Variants in USP11 observed in about 807,000 individuals in gnomAD.
USP11 encodes ubiquitin specific peptidase 11, also known as ubiquitin carboxyl-terminal hydrolase 11.
USP11 carries 5 observed loss-of-function variants against 72.8 expected under a neutral mutation model. The observed-to-expected ratio is 0.07, with a 90% confidence interval of 0.04 to 0.14. The LOEUF is 0.14. Ranked by LOEUF, USP11 falls within the 10% of genes least tolerant of loss-of-function variation. The pLI, the probability that USP11 is intolerant of heterozygous loss-of-function variation, is 1.00. For synonymous variants in USP11, 368 were observed against 326.5 expected, an observed-to-expected ratio of 1.13 and a Z score of -1.37; for missense variants, 480 against 794.7, an observed-to-expected ratio of 0.60 and a Z score of 4.76.
In USP11 at chrX:47,241,461, A is replaced by T; in HGVS notation, c.1020+11A>T. ...CCACATGTGTTCAAGGTGTGACTCA[A>T]CCCTGGGCACCCCCGACCCCCTACG... is the stretch of plus-strand genomic sequence containing the variant. On this transcript the variant is annotated intron_variant, in intron 8 of 20. Coordinates refer to ENST00000377107, the MANE Select transcript of USP11 (RefSeq NM_001371072.1). 1 of 1,196,242 alleles carries T rather than the reference A, an allele frequency of 8.4e-7. No individual in the cohort carries two copies. Among genetic ancestry groups the T allele is most frequent in the African/African-American group, 1.7e-5 (1 of 57,201 alleles).
rs1351642665 is a variant in USP11, at chrX:47,247,971, C to T, written c.*41C>T. The stretch of plus-strand genomic sequence containing the variant: ...CCACAGAAAAAAAAAAAAAAAAGCC[C>T]TCTCTGCAATCTCGCTTCTCGTGTC... On this transcript the variant is annotated 3_prime_UTR_variant, in exon 21 of 21. Coordinates refer to ENST00000377107, the MANE Select transcript of USP11 (RefSeq NM_001371072.1). 7.2e-6 allele frequency: 8 copies of T among 1,104,041 alleles called. No homozygotes were observed. The highest frequency in any genetic ancestry group is 2.6e-4 in the Middle Eastern group (1 of 3,778). The allele number at this position is 1,104,041 out of a possible 1,213,427, so 91.0% of individuals were successfully genotyped here. A position where few individuals can be genotyped will look rare whatever the true frequency, so the allele number is the denominator to read the frequency against.
chrX:47,240,548 C>T (rs1277396038), intron 5 of USP11, 39 bp from the exon 6 acceptor site: 4 of 1,209,625 alleles, frequency 3.3e-6, no homozygotes, highest in East Asian at 5.9e-5. Flanking sequence ...ATAATGTCCT[C>T]CATTAATACC....
chrX:47,246,637 C>G (rs1222493899), intron 17 of USP11, among the ~76,000 whole-genome samples: 1 of 110,795 alleles, frequency 9.0e-6, no homozygotes, highest in African/African-American at 3.3e-5. Context: ...AACTAGAATA[C>G]TAGATGGGCT....
chrX:47,241,183 C>T, intron 7 of USP11, 94 bp from the exon 8 acceptor site: 2 of 967,975 alleles, frequency 2.1e-6, no homozygotes, highest in Non-Finnish European at 2.8e-6. Flanking sequence ...CTCTTGTTTT[C>T]CTCTCTCTTT....
Position 47,244,905 on chromosome X carries a change from C to G in USP11, c.2067C>G (p.Thr689=). 1 of 1,212,058 alleles carries G rather than the reference C, an allele frequency of 8.3e-7. No homozygotes were observed. The highest frequency in any genetic ancestry group is 1.1e-6 in the Non-Finnish European group (1 of 895,566). ...CCAATGGGACCAGCGACCGCACAAC[C>G]TCCCCTGAAGAAGTCCATGGTATTT... ...VNSNGTSDRT[T]SPEEVHAQPY... Residue 689 remains threonine, a synonymous_variant, in exon 15 of 21, where the codon ACC becomes ACG. Transcript: ENST00000377107.
intron 4 of USP11, 61 bp downstream of exon 4, chrX:47,239,968 T>G: frequency 1.8e-6 from 2 of 1,088,804 alleles, no homozygotes; most frequent in Non-Finnish European, 1.3e-6. Context: ...ACTCAGTGAC[T>G]TGAGGTTGCA....
intron 13 of USP11, 110 bp from the exon 14 acceptor site, chrX:47,244,388 C>T (rs1207219130): frequency 1.2e-5 from 11 of 898,110 alleles, no homozygotes; most frequent in Admixed American, 6.0e-5. Context: ...AGATTCAGAA[C>T]GGTTTACATG....
At chrX:47,244,971 A>G in intron 15 of USP11, 45 bp from the exon 16 acceptor site, 5 of 1,210,306 alleles carry the variant, frequency 4.1e-6, no homozygotes, top group Non-Finnish European at 5.6e-6. Context: ...TGGAGGGGAG[A>G]TTTCCTGGCA....
chrX:47,244,543 T>C lies in USP11; in HGVS notation c.1836T>C (p.Asp612=). ...KPNSDDEDDG[D]EKEDDEEDKD... ...ACTCAGATGATGAGGACGATGGGGA[T>C]GAGAAAGGTGAGGGGGCTAACAGTC... Residue 612 remains aspartate, a synonymous_variant, in exon 14 of 21, where the codon GAT becomes GAC. Coordinates refer to ENST00000377107, the MANE Select transcript of USP11 (RefSeq NM_001371072.1). The C allele has an allele frequency of 8.3e-7, 1 of 1,209,343 alleles. No individual in the cohort carries two copies. Among genetic ancestry groups the C allele is most frequent in the Non-Finnish European group, 1.1e-6 (1 of 894,362 alleles).
intron 16 of USP11, 122 bp downstream of exon 16, chrX:47,245,208 G>A: frequency 1.0e-6 from 1 of 1,002,627 alleles, no homozygotes; most frequent in Non-Finnish European, 1.4e-6. Flanking sequence ...GCTTGGCCTT[G>A]GGGCCTGAAC....
rs1010645173 is a variant in USP11 at position 47,233,538 on chromosome X, G to A, written c.176+319G>A. 8.8e-6 allele frequency: 8 copies of A among 914,202 alleles called. No homozygotes were observed. In the African/African-American group the frequency reaches 1.7e-4, roughly 19 times the overall value. 75.3% of individuals were successfully genotyped at this position (914,202 alleles called of 1,213,427 possible). ...GCGTAGGAACCTGGGAAGAAGGTGGGTTCTGCTACATAAGGCGGGGGCGCG... is the reference window on the plus strand; with the variant it reads ...GCGTAGGAACCTGGGAAGAAGGTGGATTCTGCTACATAAGGCGGGGGCGCG... On this transcript the variant is annotated intron_variant, in intron 1 of 20. Coordinates refer to ENST00000377107, the MANE Select transcript of USP11 (RefSeq NM_001371072.1).
intron 4 of USP11, 125 bp downstream of exon 4, chrX:47,240,032 A>G (rs2055394088): frequency 6.3e-6 from 5 of 796,746 alleles, no homozygotes; most frequent in Non-Finnish European, 9.3e-6. Context: ...TGGAAGACCC[A>G]GAAGGCATTG....
At chrX:47,233,431 GA>G (rs2055355542) in intron 1 of USP11, 1 of 1,069,342 alleles carries the variant, frequency 9.4e-7, no homozygotes, top group Non-Finnish European at 1.2e-6. Flanking sequence ...GGTGCAGTCT[GA>G]CGCCTGAGAA....
intron 1 of USP11, among the ~76,000 whole-genome samples, chrX:47,234,102 A>C (rs2055360347): frequency 8.9e-6 from 1 of 111,854 alleles, no homozygotes; most frequent in African/African-American, 3.3e-5. Context: ...TTTCTCGCCG[A>C]GTTGCATCTC....
Position 47,240,583 on chromosome X carries a change from C to A in USP11, c.682-4C>A. 8.3e-7 allele frequency: 1 copy of A among 1,211,698 alleles called. No homozygotes were observed. Among genetic ancestry groups the A allele is most frequent in the South Asian group, 1.8e-5 (1 of 56,994 alleles). On this transcript the variant is annotated splice_polypyrimidine_tract_variant and splice_region_variant and intron_variant, in intron 5 of 20. Transcript: ENST00000377107. ...CTTTCCTTCTTTCTCTTTCTCCAACCCAGTTGATCATCATGGAGACCCGCA... is the reference window on the plus strand; with the variant it reads ...CTTTCCTTCTTTCTCTTTCTCCAACACAGTTGATCATCATGGAGACCCGCA...
intron 1 of USP11, among the ~76,000 whole-genome samples, chrX:47,236,995 TTC>T (rs2147349275): frequency 8.9e-6 from 1 of 112,026 alleles, no homozygotes; most frequent in East Asian, 2.8e-4. Context: ...GGTAATAATT[TTC>T]TGTGAAAAAT....
At chrX:47,241,167 C>T (rs1009769346) in intron 7 of USP11, 110 bp from the exon 8 acceptor site, 4 of 845,102 alleles carry the variant, frequency 4.7e-6, no homozygotes, top group Non-Finnish European at 5.0e-6. Flanking sequence ...CCTCCCTTCC[C>T]CTTCTCTCTT....
chrX:47,233,517 A>G (rs2055356117), intron 1 of USP11: 8 of 942,597 alleles, frequency 8.5e-6, no homozygotes, highest in Non-Finnish European at 1.1e-5. Flanking sequence ...GAAACTGCGT[A>G]GGAACCTGGG....
intron 1 of USP11, among the ~76,000 whole-genome samples, chrX:47,235,297 G>A (rs766657884): frequency 8.9e-6 from 1 of 112,127 alleles, no homozygotes; most frequent in South Asian, 3.6e-4. Context: ...GATGCATACT[G>A]TGAGCCCTTA....
Sources: allele counts gnomAD v4.1 joint callset (sites outside exome capture counted in the v4.1 genomes callset), GRCh38; gene constraint gnomAD v4.1.1; transcripts MANE v1.5; gene names NCBI Gene and HGNC (gene_info 2026-07-23, HGNC 2026-07-21).